Variants in EXOC6B observed in about 807,000 individuals in gnomAD.
The protein encoded by EXOC6B is exocyst complex component 6B.
Under a neutral mutation model 113.5 loss-of-function variants are expected in EXOC6B, and 54 were observed. The ratio of observed to expected loss-of-function variants is 0.48; its 90% CI spans 0.38 to 0.60. The LOEUF (loss-of-function observed/expected upper bound fraction) is 0.60. Among genes scored for constraint, EXOC6B ranks in the 20% least tolerant of loss-of-function variants. The pLI is 0.00. For missense variants in EXOC6B, 797 were observed against 977.5 expected (o/e 0.82, Z 2.46); for synonymous variants, 357 against 339.0 (o/e 1.05, Z -0.58).
intron 6 of EXOC6B, among the ~76,000 whole-genome samples, chr2:72,586,088 A>G (rs1705549986): frequency 6.6e-6 from 1 of 152,166 alleles, no homozygotes; most frequent in Non-Finnish European, 1.5e-5. Flanking sequence ...TCACATATAC[A>G]AAAATTAACT....
At chr2:72,728,321 TTAAC>T (rs1680429448) in intron 5 of EXOC6B, among the ~76,000 whole-genome samples, 1 of 152,142 alleles carries the variant, frequency 6.6e-6, no homozygotes, top group Non-Finnish European at 1.5e-5. Flanking sequence ...GAATCTATAT[TTAAC>T]TAATCCCTAT....
intron 18 of EXOC6B, among the ~76,000 whole-genome samples, chr2:72,421,203 T>G (rs910666817): frequency 6.6e-6 from 1 of 152,218 alleles, no homozygotes; most frequent in South Asian, 2.1e-4. Flanking sequence ...TTCACTGTGA[T>G]GATAGTTTCT....
At chr2:72,383,385 A>T (rs1691809785) in intron 18 of EXOC6B, among the ~76,000 whole-genome samples, 1 of 152,228 alleles carries the variant, frequency 6.6e-6, no homozygotes, top group Non-Finnish European at 1.5e-5. Context: ...GCCAACAAGC[A>T]TATGACAAAA....
intron 1 of EXOC6B, among the ~76,000 whole-genome samples, chr2:72,777,297 C>T (rs551355550): frequency 6.6e-6 from 1 of 152,216 alleles, no homozygotes; most frequent in East Asian, 1.9e-4. Flanking sequence ...AGAGAAGCAA[C>T]TCATTGTGTA....
intron 5 of EXOC6B, among the ~76,000 whole-genome samples, chr2:72,724,747 T>C (rs1680206511): frequency 1.3e-5 from 2 of 152,096 alleles, no homozygotes; most frequent in African/African-American, 2.4e-5. Flanking sequence ...AAGCTAAATG[T>C]AACTTCTATA....
intron 18 of EXOC6B, among the ~76,000 whole-genome samples, chr2:72,400,724 T>C (rs1573033100): frequency 7.0e-6 from 1 of 143,148 alleles, no homozygotes; most frequent in Non-Finnish European, 1.5e-5. Context: ...GAAAAATAAA[T>C]TAAAACCACG....
chr2:72,534,737 T>C (rs1336014301), intron 8 of EXOC6B, among the ~76,000 whole-genome samples: 1 of 152,220 alleles, frequency 6.6e-6, no homozygotes, highest in African/African-American at 2.4e-5. Flanking sequence ...GCAATTGCTG[T>C]CACTATAAGA....
intron 19 of EXOC6B, among the ~76,000 whole-genome samples, chr2:72,370,484 C>T (rs891017875): frequency 6.6e-6 from 1 of 152,172 alleles, no homozygotes; most frequent in Non-Finnish European, 1.5e-5. Flanking sequence ...ACTAGAAATA[C>T]CATTTGACCC....
chr2:72,402,827 G>C (rs1693428705), intron 18 of EXOC6B, among the ~76,000 whole-genome samples: 1 of 151,994 alleles, frequency 6.6e-6, no homozygotes, highest in Non-Finnish European at 1.5e-5. Context: ...CTGTTTTTTA[G>C]TGATATTTTC....
intron 18 of EXOC6B, among the ~76,000 whole-genome samples, chr2:72,455,876 C>A (rs1697199379): frequency 6.6e-6 from 1 of 151,706 alleles, no homozygotes; most frequent in African/African-American, 2.4e-5. Flanking sequence ...TTGTACAGTA[C>A]CTGGTATATG....
intron 20 of EXOC6B, among the ~76,000 whole-genome samples, chr2:72,214,663 A>G (rs1680406229): frequency 6.6e-6 from 1 of 152,144 alleles, no homozygotes; most frequent in Admixed American, 6.5e-5. Flanking sequence ...ATCTGCAGTT[A>G]GAATGAATCA....
chr2:72,235,161 C>T (rs1267684064), intron 20 of EXOC6B, among the ~76,000 whole-genome samples: 2 of 152,094 alleles, frequency 1.3e-5, no homozygotes, highest in African/African-American at 4.8e-5. Flanking sequence ...TGCCCATCAA[C>T]AGTAGACTGG....
rs116690003 is a variant in EXOC6B, at chr2:72,561,751, C to T, written c.847-2230G>A. Reference sequence around the variant, plus strand: ...ATATTTAGAAAGGAGACAAAGGCCACTTTTTGTCATCTCCAACGAATATTT... The same window carrying T: ...ATATTTAGAAAGGAGACAAAGGCCATTTTTTGTCATCTCCAACGAATATTT... On this transcript the variant is annotated intron_variant, in intron 7 of 21. Transcript: ENST00000272427. 4.9e-3 allele frequency among the ~76,000 whole-genome samples: 749 copies of T among 152,244 alleles called. 11 individuals are homozygous for T. Among genetic ancestry groups the T allele is most frequent in the African/African-American group, 0.017 (695 of 41,574 alleles).
At chr2:72,324,357 G>A (rs1688008883) in intron 20 of EXOC6B, among the ~76,000 whole-genome samples, 1 of 152,128 alleles carries the variant, frequency 6.6e-6, no homozygotes, top group Non-Finnish European at 1.5e-5. Context: ...AGGAGCCCCA[G>A]TATGAGCCAT....
chr2:72,633,274 G>A (rs1190129535), intron 6 of EXOC6B, among the ~76,000 whole-genome samples: 1 of 152,166 alleles, frequency 6.6e-6, no homozygotes, highest in Non-Finnish European at 1.5e-5. Context: ...AGGAACGGGG[G>A]AATAAATTAG....
intron 21 of EXOC6B, 60 bp from the exon 22 acceptor site, chr2:72,179,521 A>G (rs1050326732): frequency 5.6e-6 from 9 of 1,603,260 alleles, no homozygotes; most frequent in Non-Finnish European, 7.7e-6. Context: ...TGGAAGGAGA[A>G]CCTGCAGGAA....
chr2:72,635,536 C>G (rs574082253), intron 6 of EXOC6B, among the ~76,000 whole-genome samples: 1 of 152,054 alleles, frequency 6.6e-6, no homozygotes, highest in Non-Finnish European at 1.5e-5. Flanking sequence ...TTGAATAGTC[C>G]TATAACTGGG....
At chr2:72,415,537 G>C (rs1694469795) in intron 18 of EXOC6B, among the ~76,000 whole-genome samples, 1 of 146,700 alleles carries the variant, frequency 6.8e-6, no homozygotes, top group Non-Finnish European at 1.5e-5. Context: ...TTTTTTTTGA[G>C]AGTGTACTCA....
intron 6 of EXOC6B, among the ~76,000 whole-genome samples, chr2:72,648,741 T>C (rs1448644323): frequency 6.6e-6 from 1 of 152,194 alleles, no homozygotes; most frequent in Non-Finnish European, 1.5e-5. Flanking sequence ...GAGATGCAAA[T>C]GTCATTTACA....
Sources: allele counts gnomAD v4.1 joint callset (sites outside exome capture counted in the v4.1 genomes callset), GRCh38; gene constraint gnomAD v4.1.1; transcripts MANE v1.5; gene names NCBI Gene and HGNC (gene_info 2026-07-23, HGNC 2026-07-21).